The following CHD1L variants were observed in gnomAD, a reference collection of about 807,000 sequenced individuals.
CHD1L encodes chromodomain helicase DNA binding protein 1 like.
Under a neutral mutation model 115.9 loss-of-function variants are expected in CHD1L, and 118 were observed. The ratio of observed to expected loss-of-function variants is 1.02; its 90% CI spans 0.88 to 1.19. The LOEUF (loss-of-function observed/expected upper bound fraction) is 1.19. Ranked by LOEUF, CHD1L falls within the 50% of genes most tolerant of loss-of-function variation. The pLI is 0.00. For missense variants in CHD1L, 1,179 were observed against 1,065.3 expected, an observed-to-expected ratio of 1.11 and a Z score of -1.49; for synonymous variants, 411 against 387.1, an observed-to-expected ratio of 1.06 and a Z score of -0.72.
intron 6 of CHD1L, among the ~76,000 whole-genome samples, chr1:147,262,194 T>TC (rs1178088167): frequency 5.2e-3 from 109 of 20,922 alleles, no homozygotes; most frequent in African/African-American, 0.018. Flanking sequence ...AGACTCTGTC[T>TC]CAAAAAAAAA....
the CHD1L span, among the ~76,000 whole-genome samples, chr1:147,235,282 G>A: frequency 2.0e-5 from 3 of 152,188 alleles, no homozygotes; most frequent in South Asian, 4.1e-4. Context: ...CTGATGAGAT[G>A]TGGATACTTG....
At chr1:147,239,764 C>T (rs1005809166), upstream of CHD1L, among the ~76,000 whole-genome samples, 9 of 152,172 alleles carry the variant, frequency 5.9e-5, no homozygotes, top group African/African-American at 2.2e-4. Flanking sequence ...AGGACTCTAT[C>T]ATCTGGTATT....
At chr1:147,214,395 G>C in the CHD1L span, among the ~76,000 whole-genome samples, 1 of 151,298 alleles carries the variant, frequency 6.6e-6, no homozygotes, top group East Asian at 1.9e-4. Flanking sequence ...AGGTTGCAGT[G>C]AGCCGAGATC....
At chr1:147,264,369 G>T in intron 6 of CHD1L, 53 bp from the exon 7 acceptor site, 1 of 1,469,484 alleles carries the variant, frequency 6.8e-7, no homozygotes. Flanking sequence ...GGGTAACTCA[G>T]CCTTGCATTC....
chr1:147,229,079 T>G, the CHD1L span, among the ~76,000 whole-genome samples: 1 of 152,226 alleles, frequency 6.6e-6, no homozygotes, highest in Non-Finnish European at 1.5e-5. Flanking sequence ...CATGAAGTCC[T>G]TGCCCATGAC....
chr1:147,283,521 C>A (rs2102877234), intron 15 of CHD1L, among the ~76,000 whole-genome samples: 1 of 152,258 alleles, frequency 6.6e-6, no homozygotes, highest in South Asian at 2.1e-4. Flanking sequence ...CTCATTGAGC[C>A]TTTTTGTTCT....
At position 147,276,006 on chromosome 1, in the gene CHD1L, A is replaced by G. The variant is rs782005712; in HGVS notation, c.1386-98A>G. 8.9e-5 allele frequency: 104 copies of G among 1,171,150 alleles called. No homozygotes were observed. The African/African-American group carries it at 1.1e-3, about 12-fold the overall frequency. 72.5% of individuals were successfully genotyped at this position (1,171,150 alleles called of 1,614,324 possible). The stretch of plus-strand genomic sequence containing the variant: ...CCTTTCATTGTACCCTGAATATGGT[A>G]TTTGGTTTTGTTTGCTTTTAGATGT... On this transcript the variant is annotated intron_variant, in intron 13 of 22. Coordinates refer to ENST00000369258, the MANE Select transcript of CHD1L (RefSeq NM_004284.6).
the CHD1L span, chr1:147,210,530 G>A: frequency 6.6e-6 from 1 of 152,148 alleles, no homozygotes; most frequent in African/African-American, 2.4e-5. Flanking sequence ...TAAGCACTCT[G>A]ATAATTATGT....
the CHD1L span, among the ~76,000 whole-genome samples, chr1:147,191,120 T>C: frequency 5.3e-5 from 8 of 152,290 alleles, no homozygotes; most frequent in Non-Finnish European, 7.3e-5. Context: ...ACTTTGCTAT[T>C]GTGAATAGTG....
chr1:147,272,903 GAAAAA>G (rs35351060), intron 12 of CHD1L, among the ~76,000 whole-genome samples: 1 of 141,428 alleles, frequency 7.1e-6, no homozygotes, highest in Non-Finnish European at 1.5e-5. Flanking sequence ...GTGGTGTCTG[GAAAAA>G]AAAAAAAAAA....
the CHD1L span, among the ~76,000 whole-genome samples, chr1:147,190,681 T>TTC: frequency 0.037 from 5,604 of 152,150 alleles, 152 homozygotes; most frequent in South Asian, 0.095. Flanking sequence ...TAAAAATAAA[T>TTC]TTTTTGTTTT....
At position 147,285,597 on chromosome 1, in the gene CHD1L, G is replaced by C. The variant is rs587627684; in HGVS notation, c.2018+110G>C. 15 of 1,208,918 alleles carry C rather than the reference G, an allele frequency of 1.2e-5. No individual in the cohort carries two copies. In the South Asian group the frequency reaches 2.6e-4, roughly 21 times the overall value. The allele number at this position is 1,208,918 out of a possible 1,614,324, so 74.9% of individuals were successfully genotyped here. On this transcript the variant is annotated intron_variant, in intron 17 of 22. Coordinates refer to ENST00000369258, the MANE Select transcript of CHD1L (RefSeq NM_004284.6). ...AATACAGAAAATTCATTTTAAGTTG[G>C]TTCCTATTGGTAACAGAATACTTTC...
At chr1:147,259,999 C>T in intron 6 of CHD1L, 81 bp downstream of exon 6, 1 of 1,130,078 alleles carries the variant, frequency 8.8e-7, no homozygotes, top group Non-Finnish European at 1.3e-6. Flanking sequence ...ATTTTAGATT[C>T]ACAACAAAAT....
chr1:147,247,916 A>G (rs587674379), intron 1 of CHD1L, among the ~76,000 whole-genome samples: 8 of 152,268 alleles, frequency 5.3e-5, no homozygotes, highest in Admixed American at 5.2e-4. Flanking sequence ...GTTTCTCCGA[A>G]TGATGCATGT....
chr1:147,287,904 A>T (rs1683881928), intron 19 of CHD1L, among the ~76,000 whole-genome samples, 171 bp downstream of exon 19: 1 of 152,204 alleles, frequency 6.6e-6, no homozygotes. Context: ...GCATTCCTTT[A>T]CCTTTTCTGT....
intron 14 of CHD1L, among the ~76,000 whole-genome samples, chr1:147,278,101 G>A (rs1553959229): frequency 1.3e-5 from 2 of 151,994 alleles, no homozygotes; most frequent in East Asian, 3.9e-4. Flanking sequence ...TCTAATGTCT[G>A]ATTTATCTCT....
intron 16 of CHD1L, among the ~76,000 whole-genome samples, chr1:147,284,938 TAA>T (rs1258032224): frequency 6.6e-6 from 1 of 152,168 alleles, no homozygotes; most frequent in Non-Finnish European, 1.5e-5. Flanking sequence ...AATACAATCT[TAA>T]AAAAGTTACA....
At chr1:147,215,695 C>A in the CHD1L span, 4 of 1,264,818 alleles carry the variant, frequency 3.2e-6, no homozygotes, top group South Asian at 4.2e-5. Context: ...ACTGAAACCA[C>A]GTTATTCATT....
At chr1:147,279,099 A>C (rs1268563514) in intron 14 of CHD1L, among the ~76,000 whole-genome samples, 1 of 152,118 alleles carries the variant, frequency 6.6e-6, no homozygotes, top group Non-Finnish European at 1.5e-5. Flanking sequence ...ATGTGTATGG[A>C]GGGTAAATAT....
Sources: allele counts gnomAD v4.1 joint callset (sites outside exome capture counted in the v4.1 genomes callset), GRCh38; gene constraint gnomAD v4.1.1; transcripts MANE v1.5; gene names NCBI Gene and HGNC (gene_info 2026-07-23, HGNC 2026-07-21).